DNAJC15: variants seen among roughly 807,000 people sequenced by gnomAD.
The protein encoded by DNAJC15 is DnaJ heat shock protein family (Hsp40) member C15.
DNAJC15 carries 27 observed loss-of-function variants against 22.4 expected under a neutral mutation model. The observed-to-expected ratio is 1.20, with a 90% confidence interval of 0.89 to 1.66. The LOEUF (loss-of-function observed/expected upper bound fraction) is 1.66. DNAJC15 is among the 40% of genes most tolerant of loss of function. The pLI is 0.00. For synonymous variants in DNAJC15, 79 were observed against 63.2 expected (o/e 1.25, Z -1.19); for missense variants, 208 against 187.1 (o/e 1.11, Z -0.65).
At chr13:43,093,790 T>C (rs1376332801) in intron 5 of DNAJC15, among the ~76,000 whole-genome samples, 2 of 152,172 alleles carry the variant, frequency 1.3e-5, no homozygotes, top group Non-Finnish European at 2.9e-5. Context: ...TTAGTATAGA[T>C]AACATAATCT....
Position 43,107,189 on chromosome 13 carries a change from T to TA in DNAJC15, c.395dup (p.Tyr132Ter). The TA allele has an allele frequency of 6.3e-7, 1 of 1,590,334 alleles. No individual in the cohort carries two copies. Among genetic ancestry groups the TA allele is most frequent in the South Asian group, 1.1e-5 (1 of 86,978 alleles). The stretch of plus-strand genomic sequence containing the variant: ...CTTTGTTCTCTCAGGTGGATCTCCT[T>TA]ACGTAGCAGCCAAAATAAATGAAGC... ...LNHPDKGGSPYVAAKINEAKD... is the reference protein window; with the variant it reads ...LNHPDKGGSP Residue 132 changes from tyrosine (Y) to a stop codon, truncating the protein, a stop_gained and frameshift_variant, in exon 6 of 6, where the codon TAC (tyrosine) becomes TAAC (stop). Transcript: ENST00000379221. LOFTEE classifies it high-confidence loss of function.
chr13:43,062,091 G>T (rs1483326755), intron 1 of DNAJC15, among the ~76,000 whole-genome samples: 4 of 152,030 alleles, frequency 2.6e-5, no homozygotes, highest in African/African-American at 9.7e-5. Flanking sequence ...GTTTATTGAA[G>T]GGACTGTTTT....
chr13:43,060,315 C>G (rs183098587), intron 1 of DNAJC15, among the ~76,000 whole-genome samples: 1 of 152,106 alleles, frequency 6.6e-6, no homozygotes, highest in East Asian at 1.9e-4. Context: ...TTAGAAGGAG[C>G]ATTTGTCATA....
intron 1 of DNAJC15, among the ~76,000 whole-genome samples, chr13:43,037,605 T>G (rs1474998930): frequency 6.6e-6 from 1 of 152,222 alleles, no homozygotes; most frequent in Admixed American, 6.5e-5. Context: ...TTTTCTTTTT[T>G]TAATAACCTT....
Position 43,113,342 on chromosome 13 carries a change from T to C in DNAJC15, c.*6094T>C, listed in dbSNP as rs1437542960. ...CTTTTATAGAATTCTTAAAAATTGT[T>C]TCCTGCTGTTTATTTTCAATTTTGA... On this transcript the variant is annotated 3_prime_UTR_variant, in exon 6 of 6. Transcript: ENST00000379221. The C allele has an allele frequency of 6.6e-6, 1 of 152,244 alleles. No homozygotes were observed. The highest frequency in any genetic ancestry group is 1.5e-5 in the Non-Finnish European group (1 of 68,042). The allele number at this position is 152,244 out of a possible 1,614,324, so 9.4% of individuals were successfully genotyped here.
intron 1 of DNAJC15, among the ~76,000 whole-genome samples, chr13:43,024,803 C>T (rs1379153751): frequency 6.6e-6 from 1 of 150,590 alleles, no homozygotes; most frequent in Non-Finnish European, 1.5e-5. Context: ...GGCTTGTAAT[C>T]CCAGCGCTTT....
intron 2 of DNAJC15, among the ~76,000 whole-genome samples, 154 bp from the exon 3 acceptor site, chr13:43,068,776 T>C (rs755005238): frequency 1.5e-4 from 23 of 152,098 alleles, no homozygotes; most frequent in Non-Finnish European, 3.1e-4. Flanking sequence ...AAATTAAAAA[T>C]TTGAAAAAAT....
chr13:43,055,550 AC>A (rs1229538297), intron 1 of DNAJC15, among the ~76,000 whole-genome samples: 3 of 152,082 alleles, frequency 2.0e-5, no homozygotes, highest in Non-Finnish European at 4.4e-5. Flanking sequence ...CTTGGTATTT[AC>A]CCCAGACAAC....
rs140114536 is a variant in DNAJC15, at chr13:43,029,123, G to A, written c.108+5389G>A. Among the ~76,000 whole-genome samples the A allele has an allele frequency of 2.6e-3, 393 of 151,950 alleles. 1 individual carries two copies. The highest frequency in any genetic ancestry group is 9.0e-3 in the African/African-American group (374 of 41,438). ...TGACACCTGTATTTTTTCCTTGTAG[G>A]GTCCTCTTATATGTTAGCCTCTAAG... is the stretch of plus-strand genomic sequence containing the variant. On this transcript the variant is annotated intron_variant, in intron 1 of 5. Transcript: ENST00000379221.
At chr13:43,073,862 TG>T (rs1477735797) in intron 3 of DNAJC15, among the ~76,000 whole-genome samples, 10 of 151,818 alleles carry the variant, frequency 6.6e-5, no homozygotes, top group Admixed American at 1.3e-4. Context: ...CTTGTTTTTT[TG>T]TTTTTTTTTT....
rs9590737 is a variant in DNAJC15 at position 43,059,520 on chromosome 13, A to G, written c.109-6166A>G. Among the ~76,000 whole-genome samples, 975 of 152,258 alleles carry G rather than the reference A, an allele frequency of 6.4e-3. 4 individuals are homozygous for G. Among genetic ancestry groups the G allele is most frequent in the African/African-American group, 0.022 (915 of 41,538 alleles). ...GCTGGGATTACGGGCGTGCGCCACCATGCCTGGCTAATTTTGTACTTTTAG... is the reference window on the plus strand; with the variant it reads ...GCTGGGATTACGGGCGTGCGCCACCGTGCCTGGCTAATTTTGTACTTTTAG... On this transcript the variant is annotated intron_variant, in intron 1 of 5. Coordinates refer to ENST00000379221, the MANE Select transcript of DNAJC15 (RefSeq NM_013238.3).
At chr13:43,072,378 G>T (rs1338892451) in intron 3 of DNAJC15, among the ~76,000 whole-genome samples, 2 of 152,052 alleles carry the variant, frequency 1.3e-5, no homozygotes, top group African/African-American at 4.8e-5. Flanking sequence ...ACTCTGAACA[G>T]AGAGATGAGA....
intron 3 of DNAJC15, among the ~76,000 whole-genome samples, chr13:43,071,993 G>A (rs1032564561): frequency 6.6e-6 from 1 of 152,088 alleles, no homozygotes; most frequent in Non-Finnish European, 1.5e-5. Context: ...CTTGAAATCT[G>A]GTGAAGCCAA....
rs2153439126 is a variant in DNAJC15, at chr13:43,023,849, G to GT, written c.108+116dup. ...ACTCCCCCGCATTCGCTCACGGTCT[G>GT]TGCCCTAGCGCTCACTTGTTCAGTG... is the stretch of plus-strand genomic sequence containing the variant. On this transcript the variant is annotated intron_variant, in intron 1 of 5. Transcript: ENST00000379221. 6.1e-6 allele frequency: 6 copies of GT among 990,504 alleles called. No individual in the cohort carries two copies. The East Asian group carries it at 1.3e-4, about 22-fold the overall frequency. 61.4% of individuals were successfully genotyped at this position (990,504 alleles called of 1,614,324 possible).
intron 5 of DNAJC15, among the ~76,000 whole-genome samples, chr13:43,104,822 C>T: frequency 6.6e-6 from 1 of 150,510 alleles, no homozygotes; most frequent in East Asian, 2.0e-4. Context: ...TCCAGTAGTT[C>T]AGACTACAGG....
intron 1 of DNAJC15, among the ~76,000 whole-genome samples, chr13:43,031,059 G>C (rs1203533134): frequency 2.0e-5 from 3 of 152,156 alleles, no homozygotes; most frequent in Non-Finnish European, 2.9e-5. Context: ...ATGCTTAAAG[G>C]GGGCAGTCAC....
intron 5 of DNAJC15, among the ~76,000 whole-genome samples, chr13:43,089,550 A>C (rs2040704668): frequency 6.6e-6 from 1 of 152,216 alleles, no homozygotes; most frequent in African/African-American, 2.4e-5. Flanking sequence ...AAAGCCTCTG[A>C]GGGAGTGTGC....
chr13:43,024,309 A>G lies in DNAJC15; in HGVS notation c.108+575A>G, dbSNP rs112921250. The stretch of plus-strand genomic sequence containing the variant: ...TAACAGAAAACTGTCCAACAGAAGC[A>G]TATTGTGAGCCACATACGTATTTTT... On this transcript the variant is annotated intron_variant, in intron 1 of 5. Transcript: ENST00000379221. 1.7e-3 allele frequency among the ~76,000 whole-genome samples: 245 copies of G among 146,484 alleles called. 1 individual carries two copies. Among genetic ancestry groups the G allele is most frequent in the African/African-American group, 5.9e-3 (235 of 39,650 alleles).
chr13:43,111,844 T>A lies in DNAJC15; in HGVS notation c.*4596T>A, dbSNP rs897651169. 5.9e-5 allele frequency: 9 copies of A among 152,096 alleles called. No homozygotes were observed. The highest frequency in any genetic ancestry group is 2.2e-4 in the African/African-American group (9 of 41,406). 9.4% of individuals were successfully genotyped at this position (152,096 alleles called of 1,614,324 possible). On this transcript the variant is annotated 3_prime_UTR_variant, in exon 6 of 6. Coordinates refer to ENST00000379221, the MANE Select transcript of DNAJC15 (RefSeq NM_013238.3). ...ATGGAAAAGCAACCCAAAGAGCAAA[T>A]CCTATTAATGGCTGGATCAGTATCA...
Sources: allele counts gnomAD v4.1 joint callset (sites outside exome capture counted in the v4.1 genomes callset), GRCh38; gene constraint gnomAD v4.1.1; transcripts MANE v1.5; gene names NCBI Gene and HGNC (gene_info 2026-07-23, HGNC 2026-07-21).